The following ERLIN1 variants were observed in gnomAD, a reference collection of about 807,000 sequenced individuals.
ERLIN1 encodes erlin-1.
In ERLIN1, 24 loss-of-function variants were observed where a neutral mutation model predicts 46.9. The observed-to-expected ratio is 0.51, with a 90% confidence interval of 0.37 to 0.72. The LOEUF is 0.72. ERLIN1 is among the 30% of genes least tolerant of loss of function. The pLI is 0.00. For missense variants in ERLIN1, 293 were observed against 417.9 expected (o/e 0.70, Z 2.61); for synonymous variants, 158 against 143.2 (o/e 1.10, Z -0.74).
intron 10 of ERLIN1, among the ~76,000 whole-genome samples, chr10:100,153,685 T>C (rs1298077856): frequency 6.6e-6 from 1 of 152,234 alleles, no homozygotes; most frequent in East Asian, 1.9e-4. Flanking sequence ...CTTTTTAATA[T>C]AGGTTAGTAT....
Position 100,151,949 on chromosome 10 carries a change from A to ACCATTTGTG in ERLIN1, c.*173_*181dup. 6.0e-6 allele frequency: 4 copies of ACCATTTGTG among 662,900 alleles called. No individual in the cohort carries two copies. The highest frequency in any genetic ancestry group is 1.1e-5 in the Non-Finnish European group (4 of 363,636). The allele number at this position is 662,900 out of a possible 1,614,324, so 41.1% of individuals were successfully genotyped here. A position where few individuals can be genotyped will look rare whatever the true frequency, so the allele number is the denominator to read the frequency against. ...ACTTGATAAGACTGTGGCTGAAAAG[A>ACCATTTGTG]CCATTTGTGTGTCAGACAGCTGGCT... On this transcript the variant is annotated 3_prime_UTR_variant, in exon 11 of 11. Transcript: ENST00000421367.
rs760934994 is a variant in ERLIN1 at position 100,185,509 on chromosome 10, C to T, written c.113+5G>A. The T allele has an allele frequency of 1.9e-6, 3 of 1,605,746 alleles. No individual in the cohort carries two copies. Among genetic ancestry groups the T allele is most frequent in the Admixed American group, 3.3e-5 (2 of 60,012 alleles). On this transcript the variant is annotated splice_donor_5th_base_variant and intron_variant, in intron 1 of 10. Coordinates refer to ENST00000421367, the MANE Select transcript of ERLIN1 (RefSeq NM_006459.4). Reference sequence around the variant, plus strand: ...GAGCCCTAACTGACTGCACATGCCGCTCACCTGTAGTACACAGCCAGATGG... The same window carrying T: ...GAGCCCTAACTGACTGCACATGCCGTTCACCTGTAGTACACAGCCAGATGG...
chr10:100,155,074 A>C (rs1378736842), intron 9 of ERLIN1, 135 bp from the exon 10 acceptor site: 2 of 681,120 alleles, frequency 2.9e-6, no homozygotes, highest in Non-Finnish European at 5.0e-6. Context: ...TTCAAGTCCC[A>C]GTCCCCAAAC....
intron 5 of ERLIN1, among the ~76,000 whole-genome samples, 167 bp downstream of exon 5, chr10:100,175,777 TA>T (rs1227303903): frequency 6.6e-6 from 1 of 152,202 alleles, no homozygotes; most frequent in Non-Finnish European, 1.5e-5. Context: ...ACAAGTTATA[TA>T]AAAAATTTTA....
At position 100,150,103 on chromosome 10, in the gene ERLIN1, A is replaced by G. The variant is rs1842729107; in HGVS notation, c.*2028T>C. ...AAAAAACACAAATCACTGATAGTAA[A>G]ATAATTTTATTTAGTTTCTTATTTT... On this transcript the variant is annotated 3_prime_UTR_variant, in exon 11 of 11. Coordinates refer to ENST00000421367, the MANE Select transcript of ERLIN1 (RefSeq NM_006459.4). 6.6e-6 allele frequency: 1 copy of G among 152,208 alleles called. No homozygotes were observed. Among genetic ancestry groups the G allele is most frequent in the South Asian group, 2.1e-4 (1 of 4,834 alleles). The allele number at this position is 152,208 out of a possible 1,614,324, so 9.4% of individuals were successfully genotyped here.
At chr10:100,156,323 T>A in intron 8 of ERLIN1, 89 bp from the exon 9 acceptor site, 1 of 765,908 alleles carries the variant, frequency 1.3e-6, no homozygotes, top group Non-Finnish European at 2.3e-6. Flanking sequence ...GTCTAACATT[T>A]AATTACAGAA....
intron 7 of ERLIN1, among the ~76,000 whole-genome samples, chr10:100,165,267 C>T (rs377455766): frequency 1.3e-5 from 2 of 152,286 alleles, no homozygotes. Flanking sequence ...CACTTCCCCT[C>T]AAAGTTTCCC....
intron 9 of ERLIN1, among the ~76,000 whole-genome samples, chr10:100,155,317 T>C (rs1401319537): frequency 6.6e-6 from 1 of 151,716 alleles, no homozygotes; most frequent in Non-Finnish European, 1.5e-5. Context: ...TCATCCAGAA[T>C]CAGTCAACAG....
At chr10:100,157,956 T>C (rs866417808) in intron 8 of ERLIN1, among the ~76,000 whole-genome samples, 16 of 152,188 alleles carry the variant, frequency 1.1e-4, no homozygotes, top group Middle Eastern at 3.2e-3. Context: ...AGATGAAATA[T>C]AGCAAATTTG....
chr10:100,170,714 T>C (rs1364299948), intron 6 of ERLIN1, among the ~76,000 whole-genome samples: 1 of 152,142 alleles, frequency 6.6e-6, no homozygotes, highest in African/African-American at 2.4e-5. Flanking sequence ...GGTGAGGCGA[T>C]TGTCAAAGAT....
At chr10:100,155,968 C>A (rs920418448) in intron 9 of ERLIN1, among the ~76,000 whole-genome samples, 177 bp downstream of exon 9, 1 of 152,164 alleles carries the variant, frequency 6.6e-6, no homozygotes, top group African/African-American at 2.4e-5. Flanking sequence ...AACCCAAAAG[C>A]TGGAAATGTG....
chr10:100,155,261 C>T (rs1231409540), intron 9 of ERLIN1, among the ~76,000 whole-genome samples: 1 of 152,104 alleles, frequency 6.6e-6, no homozygotes. Context: ...TAAGTCCAGA[C>T]ATAAAAGCTC....
chr10:100,155,765 C>T (rs1345664379), intron 9 of ERLIN1, among the ~76,000 whole-genome samples: 2 of 152,206 alleles, frequency 1.3e-5, no homozygotes, highest in South Asian at 2.1e-4. Context: ...CCGCCCGCCT[C>T]GGCCTCCCAA....
intron 10 of ERLIN1, among the ~76,000 whole-genome samples, chr10:100,152,855 CTT>C (rs368798021): frequency 6.7e-6 from 1 of 149,006 alleles, no homozygotes; most frequent in Non-Finnish European, 1.5e-5. Context: ...TGCACCCAGC[CTT>C]TTTTTTTTCT....
At chr10:100,165,487 C>T (rs1335002629) in intron 7 of ERLIN1, among the ~76,000 whole-genome samples, 2 of 150,698 alleles carry the variant, frequency 1.3e-5, no homozygotes, top group South Asian at 2.1e-4. Context: ...CCTGAGTTCA[C>T]GCCATTCTCC....
Position 100,178,141 on chromosome 10 carries a change from G to C in ERLIN1, c.296C>G (p.Pro99Arg). The C allele has an allele frequency of 6.3e-7, 1 of 1,577,060 alleles. No individual in the cohort carries two copies. ...DRIEVVNMLA[P>R]YAVFDIVRNY... is the part of the protein sequence containing the mutation. ...GTAGATGGGTAACATACCTGCATAA[G>C]GAGCCAACATATTAACCACTTCTAT... The change falls in exon 4 of 11, where the codon CCT becomes CGT. Residue 99 changes from proline to arginine, a missense_variant. This residue lies in a region of ERLIN1 where 148 missense variants were observed against 266.5 expected (regional missense o/e 0.56). Coordinates refer to ENST00000421367, the MANE Select transcript of ERLIN1 (RefSeq NM_006459.4).
rs769811237 is a variant in ERLIN1, at chr10:100,183,745, G to C, written c.195+11C>G. 4.3e-5 allele frequency: 68 copies of C among 1,592,010 alleles called. No homozygotes were observed. The highest frequency in any genetic ancestry group is 5.3e-5 in the Non-Finnish European group (62 of 1,162,616). On this transcript the variant is annotated intron_variant, in intron 2 of 10. Transcript: ENST00000421367. ...TATCTGGTATGGAGGCTTCCCCTAG[G>C]AATCACTCACCTGCACAGATCTGAA...
chr10:100,170,463 CA>C (rs2134147354), intron 6 of ERLIN1, among the ~76,000 whole-genome samples: 2 of 152,138 alleles, frequency 1.3e-5, no homozygotes, highest in South Asian at 2.1e-4. Context: ...TTTATAAAAA[CA>C]GCAAATAAAT....
At chr10:100,175,838 G>C (rs1564813807) in intron 5 of ERLIN1, 107 bp downstream of exon 5, 1 of 859,922 alleles carries the variant, frequency 1.2e-6, no homozygotes, top group South Asian at 3.1e-5. Flanking sequence ...GATAAATTCA[G>C]AAGAAATGCT....
Sources: allele counts gnomAD v4.1 joint callset (sites outside exome capture counted in the v4.1 genomes callset), GRCh38; gene constraint gnomAD v4.1.1; regional missense constraint gnomAD v4.1.1; transcripts MANE v1.5; gene names NCBI Gene and HGNC (gene_info 2026-07-23, HGNC 2026-07-21).